Variants in ZBTB8A observed in about 807,000 individuals in gnomAD.
The protein encoded by ZBTB8A is zinc finger and BTB domain-containing protein 8A.
A neutral mutation model predicts 37.8 loss-of-function variants in ZBTB8A; 19 were observed. That is an observed-to-expected ratio of 0.50 (90% CI 0.35 to 0.74). ZBTB8A has a LOEUF of 0.74. Ranked by LOEUF, ZBTB8A falls within the 30% of genes least tolerant of loss-of-function variation. ZBTB8A has a pLI of 0.01. For missense variants in ZBTB8A, 394 were observed against 537.8 expected (o/e 0.73, Z 2.65); for synonymous variants, 181 against 185.2 (o/e 0.98, Z 0.19).
chr1:32,598,224 T>A (rs1215888581), intron 4 of ZBTB8A, among the ~76,000 whole-genome samples: 1 of 84,334 alleles, frequency 1.2e-5, no homozygotes. Context: ...CTTTCTTGGA[T>A]TTTTTTTTTT....
In ZBTB8A at chr1:32,601,015, A is replaced by C. The variant is rs931134140; in HGVS notation, c.*596A>C. ...GTGTTTGAAATCATTCATATTTGAAATTTTTATCATTAGCTTAAAAATTAC... is the reference window on the plus strand; with the variant it reads ...GTGTTTGAAATCATTCATATTTGAACTTTTTATCATTAGCTTAAAAATTAC... On this transcript the variant is annotated 3_prime_UTR_variant, in exon 5 of 5. Coordinates refer to ENST00000373510, the MANE Select transcript of ZBTB8A (RefSeq NM_001040441.3). The C allele has an allele frequency of 1.4e-4, 21 of 152,146 alleles. No individual in the cohort carries two copies. The highest frequency in any genetic ancestry group is 4.8e-4 in the African/African-American group (20 of 41,422). The allele number at this position is 152,146 out of a possible 1,614,324, so 9.4% of individuals were successfully genotyped here.
Position 32,555,068 on chromosome 1 carries a change from A to G in ZBTB8A, c.-2+1528A>G, listed in dbSNP as rs1360412147. 2.0e-5 allele frequency among the ~76,000 whole-genome samples: 3 copies of G among 152,136 alleles called. No homozygotes were observed. In the East Asian group the frequency reaches 5.8e-4, roughly 29 times the overall value. On this transcript the variant is annotated intron_variant, in intron 2 of 4. Transcript: ENST00000373510. ...GCCTTGGCGTCACTGTCTGGGTTAA[A>G]GCCCTTTTCTGTAAAATGGGGATAA...
In ZBTB8A at chr1:32,601,429, A is replaced by C; in HGVS notation, c.*1010A>C. 1 of 367,080 alleles carries C rather than the reference A, an allele frequency of 2.7e-6. No individual in the cohort carries two copies. 22.7% of individuals were successfully genotyped at this position (367,080 alleles called of 1,614,324 possible). The stretch of plus-strand genomic sequence containing the variant: ...GCAGAAGTTGCAGTGAGCCGAGATC[A>C]CACCATTGCACTCCAGCCTGGGCAA... On this transcript the variant is annotated 3_prime_UTR_variant, in exon 5 of 5. Coordinates refer to ENST00000373510, the MANE Select transcript of ZBTB8A (RefSeq NM_001040441.3).
At chr1:32,560,567 C>CACT (rs1415664454) in intron 2 of ZBTB8A, among the ~76,000 whole-genome samples, 1 of 150,706 alleles carries the variant, frequency 6.6e-6, no homozygotes, top group Non-Finnish European at 1.5e-5. Flanking sequence ...ACCACCATAC[C>CACT]ACTACCTACA....
At position 32,600,460 on chromosome 1, in the gene ZBTB8A, C is replaced by A; in HGVS notation, c.*41C>A. ...ACAGAGCTGGCATGTCTGCAATTTA[C>A]ATTGACTTCCTGTATCTCTCTCTTT... On this transcript the variant is annotated 3_prime_UTR_variant, in exon 5 of 5. Coordinates refer to ENST00000373510, the MANE Select transcript of ZBTB8A (RefSeq NM_001040441.3). The A allele has an allele frequency of 7.1e-7, 1 of 1,416,600 alleles. No homozygotes were observed. Among genetic ancestry groups the A allele is most frequent in the Non-Finnish European group, 9.7e-7 (1 of 1,029,654 alleles). 87.8% of individuals were successfully genotyped at this position (1,416,600 alleles called of 1,614,324 possible).
At chr1:32,575,840 C>T (rs112905437) in intron 2 of ZBTB8A, among the ~76,000 whole-genome samples, 2 of 152,072 alleles carry the variant, frequency 1.3e-5, no homozygotes, top group African/African-American at 2.4e-5. Flanking sequence ...ACAACAAACC[C>T]AGACCCTATC....
rs181512355 is a variant in ZBTB8A, at chr1:32,600,897, A to T, written c.*478A>T. ...TAAGGATCTGGCAACCCACCTTACT[A>T]AACAAATTAGTCTTTCTATTAATTT... On this transcript the variant is annotated 3_prime_UTR_variant, in exon 5 of 5. Coordinates refer to ENST00000373510, the MANE Select transcript of ZBTB8A (RefSeq NM_001040441.3). 6 of 155,212 alleles carry T rather than the reference A, an allele frequency of 3.9e-5. No homozygotes were observed. The highest frequency in any genetic ancestry group is 1.4e-4 in the African/African-American group (6 of 41,470). 9.6% of individuals were successfully genotyped at this position (155,212 alleles called of 1,614,324 possible).
chr1:32,542,663 CA>C (rs1321735755), intron 1 of ZBTB8A, among the ~76,000 whole-genome samples: 2 of 152,214 alleles, frequency 1.3e-5, no homozygotes, highest in African/African-American at 4.8e-5. Context: ...AAATACATGT[CA>C]TTGGCTTCTA....
At chr1:32,542,912 C>CTGAA (rs1163677724) in intron 1 of ZBTB8A, among the ~76,000 whole-genome samples, 4 of 152,168 alleles carry the variant, frequency 2.6e-5, no homozygotes, top group Non-Finnish European at 5.9e-5. Flanking sequence ...AGAAGAAAAT[C>CTGAA]TGAAATGCAT....
intron 1 of ZBTB8A, among the ~76,000 whole-genome samples, chr1:32,543,144 T>G (rs1268652696): frequency 2.6e-5 from 4 of 151,960 alleles, no homozygotes; most frequent in African/African-American, 9.7e-5. Flanking sequence ...AGTGCAATGG[T>G]GTGATCTGGG....
intron 1 of ZBTB8A, among the ~76,000 whole-genome samples, chr1:32,542,990 T>G (rs932276293): frequency 6.6e-6 from 1 of 152,102 alleles, no homozygotes; most frequent in African/African-American, 2.4e-5. Flanking sequence ...GACTCAAGAG[T>G]ACTACTATGA....
At chr1:32,576,586 G>T (rs904585791) in intron 2 of ZBTB8A, among the ~76,000 whole-genome samples, 6 of 152,124 alleles carry the variant, frequency 3.9e-5, no homozygotes, top group Admixed American at 2.6e-4. Flanking sequence ...CCACCACCAT[G>T]CCTGGCTAAT....
At chr1:32,590,297 A>G (rs1010357952) in intron 2 of ZBTB8A, among the ~76,000 whole-genome samples, 8 of 152,012 alleles carry the variant, frequency 5.3e-5, no homozygotes, top group African/African-American at 1.7e-4. Context: ...GGTCTCCAGA[A>G]TCTCACAAGG....
chr1:32,591,872 G>A (rs769579488), intron 2 of ZBTB8A, among the ~76,000 whole-genome samples: 9 of 151,888 alleles, frequency 5.9e-5, no homozygotes, highest in Non-Finnish European at 1.3e-4. Context: ...TTCAGACAGG[G>A]TCTCACTCTG....
chr1:32,562,325 G>T (rs1193819825), intron 2 of ZBTB8A, among the ~76,000 whole-genome samples: 2 of 151,772 alleles, frequency 1.3e-5, no homozygotes, highest in African/African-American at 4.8e-5. Flanking sequence ...AGGCTGGGGT[G>T]CCATGGTGTG....
rs1323917365 is a variant in ZBTB8A, at chr1:32,605,841, C to G, written c.*5422C>G. 6.6e-6 allele frequency: 1 copy of G among 151,642 alleles called. No individual in the cohort carries two copies. The highest frequency in any genetic ancestry group is 2.4e-5 in the African/African-American group (1 of 41,234). The allele number at this position is 151,642 out of a possible 1,614,324, so 9.4% of individuals were successfully genotyped here. On this transcript the variant is annotated 3_prime_UTR_variant, in exon 5 of 5. Transcript: ENST00000373510. ...TCACTGAGGTGTGTTGTGTATCACT[C>G]TATTTTATAGATGATTTTATATAAG...
At chr1:32,542,139 C>T (rs1570301064) in intron 1 of ZBTB8A, among the ~76,000 whole-genome samples, 2 of 152,350 alleles carry the variant, frequency 1.3e-5, no homozygotes, top group East Asian at 3.9e-4. Context: ...ACAGTTACCA[C>T]TCTAGTTAGC....
At chr1:32,546,905 T>G (rs1309918435) in intron 1 of ZBTB8A, among the ~76,000 whole-genome samples, 1 of 152,106 alleles carries the variant, frequency 6.6e-6, no homozygotes, top group Non-Finnish European at 1.5e-5. Flanking sequence ...GGGGAAGTTT[T>G]TTGTTTTTGT....
At chr1:32,551,670 T>C (rs1644157127) in intron 1 of ZBTB8A, among the ~76,000 whole-genome samples, 1 of 152,150 alleles carries the variant, frequency 6.6e-6, no homozygotes, top group African/African-American at 2.4e-5. Flanking sequence ...GATCATACCA[T>C]TGCACTTCAG....
Sources: allele counts gnomAD v4.1 joint callset (sites outside exome capture counted in the v4.1 genomes callset), GRCh38; gene constraint gnomAD v4.1.1; transcripts MANE v1.5; gene names NCBI Gene and HGNC (gene_info 2026-07-23, HGNC 2026-07-21).